Variants in CREG1 observed in about 807,000 individuals in gnomAD.
The protein encoded by CREG1 is cellular repressor of E1A stimulated genes 1.
A neutral mutation model predicts 19.9 loss-of-function variants in CREG1; 20 were observed. The observed-to-expected ratio is 1.01, with a 90% confidence interval of 0.71 to 1.46. The LOEUF (loss-of-function observed/expected upper bound fraction) is 1.46. Among genes scored for constraint, CREG1 ranks in the 40% most tolerant of loss-of-function variants. The probability of loss-of-function intolerance (pLI) is 0.00; values close to 1 mark genes in which losing one functional copy is unlikely to be tolerated. For missense variants in CREG1, 290 were observed against 314.9 expected (o/e 0.92, Z 0.60); for synonymous variants, 141 against 143.3 (o/e 0.98, Z 0.12).
rs1656359931 is a variant in CREG1, at chr1:167,548,093, G to A, written c.383C>T (p.Thr128Ile). Residue 128 changes from threonine to isoleucine, a missense_variant, in exon 2 of 4, where the codon ACT becomes ATT. By Grantham distance (89) the Thr-to-Ile change is moderately conservative. Transcript: ENST00000370509. ...QENPYATLTM[T>I]LAQTNFCKKH... is the part of the protein sequence containing the mutation. ...CTTGCAGAAGTTGGTCTGTGCCAAA[G>A]TCATGGTCAGTGTAGCATATGGATT... is the stretch of plus-strand genomic sequence containing the variant. 6.2e-7 allele frequency: 1 copy of A among 1,613,040 alleles called. No individual in the cohort carries two copies. The highest frequency in any genetic ancestry group is 8.5e-7 in the Non-Finnish European group (1 of 1,179,014).
rs763688984 is a variant in CREG1, at chr1:167,546,198, A to G, written c.562T>C (p.Phe188Leu). The part of the protein sequence containing the change: ...MKTWPSSHNW[F>L]FAKLNITNIW... ...TTGGTTATATTCAACTTAGCAAAGA[A>G]CCAATTATGGCTGGAAGGCCAGGTT... The change falls in exon 3 of 4, where the codon TTC becomes CTC. Residue 188 changes from phenylalanine to leucine, a missense_variant. Transcript: ENST00000370509. 40 of 1,613,506 alleles carry G rather than the reference A, an allele frequency of 2.5e-5. No individual in the cohort carries two copies. The highest frequency in any genetic ancestry group is 3.4e-5 in the Non-Finnish European group (40 of 1,179,850).
chr1:167,550,131 G>A (rs1737488), intron 1 of CREG1, among the ~76,000 whole-genome samples: 6,291 of 152,030 alleles, frequency 0.041, 422 homozygotes, highest in African/African-American at 0.14. Context: ...CTGGGACTAC[G>A]GTCGTACACC....
Position 167,553,717 on chromosome 1 carries a change from C to A in CREG1, c.25G>T (p.Ala9Ser). MAGLSRGSARALLAALLAS... is the reference protein window; with the variant it reads MAGLSRGSSRALLAALLAS... ...AGCAGGGCGGCGAGCAGTGCGCGCGCGGACCCGCGGGATAGCCCGGCCATG... is the reference window on the plus strand; with the variant it reads ...AGCAGGGCGGCGAGCAGTGCGCGCGAGGACCCGCGGGATAGCCCGGCCATG... Residue 9 changes from alanine to serine, a missense_variant, in exon 1 of 4, where the codon GCG becomes TCG. Transcript: ENST00000370509. The A allele has an allele frequency of 7.7e-7, 1 of 1,293,376 alleles. No homozygotes were observed. Among genetic ancestry groups the A allele is most frequent in the South Asian group, 2.5e-5 (1 of 40,018 alleles). 80.1% of individuals were successfully genotyped at this position (1,293,376 alleles called of 1,614,324 possible).
At chr1:167,550,928 C>A (rs563885060) in intron 1 of CREG1, among the ~76,000 whole-genome samples, 3 of 151,972 alleles carry the variant, frequency 2.0e-5, no homozygotes, top group Admixed American at 6.6e-5. Context: ...AGAAAAAAAA[C>A]CAAGAGTGAC....
chr1:167,542,043 T>G lies in CREG1; in HGVS notation c.*255A>C. ...ATTGATGGGACAAAACTTATTTGAT[T>G]ATAGTGAAGGATATTTCTCTACGAA... On this transcript the variant is annotated 3_prime_UTR_variant, in exon 4 of 4. Transcript: ENST00000370509. 3 of 372,952 alleles carry G rather than the reference T, an allele frequency of 8.0e-6. No individual in the cohort carries two copies. Among genetic ancestry groups the G allele is most frequent in the Non-Finnish European group, 9.7e-6 (2 of 207,016 alleles). 23.1% of individuals were successfully genotyped at this position (372,952 alleles called of 1,614,324 possible). A position where few individuals can be genotyped will look rare whatever the true frequency, so the allele number is the denominator to read the frequency against.
chr1:167,547,835 C>T (rs531105342), intron 2 of CREG1, among the ~76,000 whole-genome samples, 167 bp downstream of exon 2: 6 of 152,062 alleles, frequency 3.9e-5, no homozygotes, highest in African/African-American at 9.7e-5. Flanking sequence ...GCACAAGACT[C>T]GCTTGAACCC....
Position 167,541,801 on chromosome 1 carries a change from T to A in CREG1, c.*497A>T, listed in dbSNP as rs1656229736. 1 of 152,398 alleles carries A rather than the reference T, an allele frequency of 6.6e-6. No homozygotes were observed. Among genetic ancestry groups the A allele is most frequent in the South Asian group, 2.1e-4 (1 of 4,830 alleles). The allele number at this position is 152,398 out of a possible 1,614,324, so 9.4% of individuals were successfully genotyped here. A position where few individuals can be genotyped will look rare whatever the true frequency, so the allele number is the denominator to read the frequency against. ...TCTGAGTTTCATCATTGTTTGTCTATCTTGGCAAGATTTATTCAGAAGCAC... is the reference window on the plus strand; with the variant it reads ...TCTGAGTTTCATCATTGTTTGTCTAACTTGGCAAGATTTATTCAGAAGCAC... On this transcript the variant is annotated 3_prime_UTR_variant, in exon 4 of 4. Transcript: ENST00000370509.
intron 3 of CREG1, among the ~76,000 whole-genome samples, chr1:167,543,646 C>T (rs953389838): frequency 1.3e-5 from 2 of 152,108 alleles, no homozygotes; most frequent in Non-Finnish European, 2.9e-5. Context: ...GCAAACCTGG[C>T]GGGTGGGATT....
At position 167,553,563 on chromosome 1, in the gene CREG1, C is replaced by A; in HGVS notation, c.179G>T (p.Arg60Leu). 6.9e-7 allele frequency: 1 copy of A among 1,453,230 alleles called. No homozygotes were observed. The highest frequency in any genetic ancestry group is 9.0e-7 in the Non-Finnish European group (1 of 1,108,458). The allele number at this position is 1,453,230 out of a possible 1,614,324, so 90.0% of individuals were successfully genotyped here. Reference protein sequence around the residue: ...PPREDAARVARFVTHVSDWGA... With the variant: ...PPREDAARVALFVTHVSDWGA... Reference sequence around the variant, plus strand: ...CCAGTCGGAGACGTGCGTCACGAAGCGGGCCACGCGCGCCGCGTCCTCGCG... The same window carrying A: ...CCAGTCGGAGACGTGCGTCACGAAGAGGGCCACGCGCGCCGCGTCCTCGCG... The change falls in exon 1 of 4, where the codon CGC becomes CTC. Residue 60 changes from arginine to leucine, a missense_variant. Coordinates refer to ENST00000370509, the MANE Select transcript of CREG1 (RefSeq NM_003851.3).
At chr1:167,542,558 GACAC>G (rs1272401353) in intron 3 of CREG1, among the ~76,000 whole-genome samples, 1 of 152,214 alleles carries the variant, frequency 6.6e-6, no homozygotes, top group Non-Finnish European at 1.5e-5. Flanking sequence ...GTATGATTCT[GACAC>G]ACTGATAAAC....
At chr1:167,544,766 A>G (rs1157344618) in intron 3 of CREG1, among the ~76,000 whole-genome samples, 1 of 152,198 alleles carries the variant, frequency 6.6e-6, no homozygotes, top group Non-Finnish European at 1.5e-5. Flanking sequence ...TTGCGGTGGA[A>G]GGTTGCGCAA....
chr1:167,542,436 T>G, intron 3 of CREG1, 135 bp from the exon 4 acceptor site: 1 of 808,804 alleles, frequency 1.2e-6, no homozygotes, highest in Non-Finnish European at 1.9e-6. Flanking sequence ...ACCACTAGAA[T>G]ATACTAAATA....
At chr1:167,549,444 G>C (rs941029180) in intron 1 of CREG1, among the ~76,000 whole-genome samples, 9 of 151,200 alleles carry the variant, frequency 6.0e-5, no homozygotes, top group Non-Finnish European at 1.0e-4. Flanking sequence ...GAGTGCAGTG[G>C]TGCGATCTCA....
Position 167,550,858 on chromosome 1 carries a change from G to A in CREG1, c.354+2530C>T, listed in dbSNP as rs138406616. On this transcript the variant is annotated intron_variant, in intron 1 of 3. Transcript: ENST00000370509. ...GAGTGTATACAATCTTCTGAGGATC[G>A]CTGCAGGGAACAAAAGAGTAGGAAA... is the stretch of plus-strand genomic sequence containing the variant. Among the ~76,000 whole-genome samples, 27 of 152,170 alleles carry A rather than the reference G, an allele frequency of 1.8e-4. 1 individual carries two copies. Among genetic ancestry groups the A allele is most frequent in the African/African-American group, 4.8e-4 (20 of 41,500 alleles).
intron 1 of CREG1, among the ~76,000 whole-genome samples, chr1:167,549,357 C>T (rs1369910691): frequency 6.6e-6 from 1 of 150,414 alleles, no homozygotes; most frequent in East Asian, 2.0e-4. Context: ...AAACAGGCTT[C>T]ACTCCCAACC....
At chr1:167,547,817 A>C (rs1656354806) in intron 2 of CREG1, among the ~76,000 whole-genome samples, 185 bp downstream of exon 2, 1 of 152,074 alleles carries the variant, frequency 6.6e-6, no homozygotes, top group Non-Finnish European at 1.5e-5. Context: ...GCTACTAGGG[A>C]GGCTGAGGCA....
At chr1:167,542,934 AG>A (rs1656250406) in intron 3 of CREG1, among the ~76,000 whole-genome samples, 1 of 152,208 alleles carries the variant, frequency 6.6e-6, no homozygotes, top group Admixed American at 6.5e-5. Context: ...AGTGGTCAAA[AG>A]CAATGCTTAT....
At position 167,541,478 on chromosome 1, in the gene CREG1, G is replaced by C. The variant is rs536356407; in HGVS notation, c.*820C>G. On this transcript the variant is annotated 3_prime_UTR_variant, in exon 4 of 4. Coordinates refer to ENST00000370509, the MANE Select transcript of CREG1 (RefSeq NM_003851.3). ...CCCTGGCTGAAGCTGGTCCATGCCT[G>C]GGTAAACTTTACTTATAAAAGAATA... 16 of 152,244 alleles carry C rather than the reference G, an allele frequency of 1.1e-4. 1 individual carries two copies. The East Asian group carries it at 2.5e-3, about 24-fold the overall frequency. The allele number at this position is 152,244 out of a possible 1,614,324, so 9.4% of individuals were successfully genotyped here. A position where few individuals can be genotyped will look rare whatever the true frequency, so the allele number is the denominator to read the frequency against.
In CREG1 at chr1:167,553,425, T is replaced by G; in HGVS notation, c.317A>C (p.Tyr106Ser). 37 of 1,469,764 alleles carry G rather than the reference T, an allele frequency of 2.5e-5. No individual in the cohort carries two copies. The highest frequency in any genetic ancestry group is 2.2e-4 in the Middle Eastern group (1 of 4,452). 91.0% of individuals were successfully genotyped at this position (1,469,764 alleles called of 1,614,324 possible). A position where few individuals can be genotyped will look rare whatever the true frequency, so the allele number is the denominator to read the frequency against. ...CACGGAGAGCTGCAGCGGGCTCAGG[T>G]AGAAATAGGGCACGCCGCTGCCCGC... ...PGAGSGVPYF[Y>S]LSPLQLSVSN... The change falls in exon 1 of 4, where the codon TAC (tyrosine) becomes TCC (serine). Residue 106 changes from tyrosine (Y) to serine (S), a missense_variant. Coordinates refer to ENST00000370509, the MANE Select transcript of CREG1 (RefSeq NM_003851.3).
Sources: gnomAD v4.1 joint callset for allele counts (sites outside exome capture counted in the v4.1 genomes callset) on GRCh38, gnomAD v4.1.1 for gene constraint, MANE v1.5 for transcripts, NCBI Gene and HGNC (gene_info 2026-07-23, HGNC 2026-07-21) for gene names.